C3orf18: variants seen among roughly 807,000 people sequenced by gnomAD.
C3orf18 encodes uncharacterized protein C3orf18.
Under a neutral mutation model 14.1 loss-of-function variants are expected in C3orf18, and 12 were observed. That is an observed-to-expected ratio of 0.85 (90% CI 0.55 to 1.38). The LOEUF (loss-of-function observed/expected upper bound fraction) is 1.38, where lower values mean the gene tolerates loss of function less well. Ranked by LOEUF, C3orf18 falls within the 40% of genes most tolerant of loss-of-function variation. The probability of loss-of-function intolerance (pLI) is 0.00; values close to 1 mark genes in which losing one functional copy is unlikely to be tolerated. For missense variants in C3orf18, 196 were observed against 213.9 expected (o/e 0.92, Z 0.52); for synonymous variants, 82 against 87.9 (o/e 0.93, Z 0.38).
chr3:50,573,419 T>C (rs1701239552), upstream of C3orf18, among the ~76,000 whole-genome samples: 1 of 152,230 alleles, frequency 6.6e-6, no homozygotes, highest in Non-Finnish European at 1.5e-5. Context: ...TCATTTGCTG[T>C]CTCCGGCTTC....
chr3:50,563,312 C>T lies in C3orf18; in HGVS notation c.235-1565G>A, dbSNP rs565845605. On this transcript the variant is annotated intron_variant, in intron 3 of 5. Transcript: ENST00000357203. ...CCCTGCCACCCTGAGCAAGTGGATC[C>T]AGCCCCAGCCCCAGCCCCTGTGGTC... Among the ~76,000 whole-genome samples, 7 of 152,220 alleles carry T rather than the reference C, an allele frequency of 4.6e-5. No individual in the cohort carries two copies. The East Asian group carries it at 1.4e-3, about 29-fold the overall frequency.
At chr3:50,570,573 G>A (rs1208259195), upstream of C3orf18, 1 of 152,354 alleles carries the variant, frequency 6.6e-6, no homozygotes, top group Non-Finnish European at 1.5e-5. Context: ...CTTGCCATGG[G>A]TTTGGTGTGA....
chr3:50,558,650 A>G lies in C3orf18; in HGVS notation c.*1007T>C, dbSNP rs1699789843. ...GCCCTCAGACCAACAGCCTCTCCCA[A>G]CCCCAGATCCTCATTAGAGCCCAAG... On this transcript the variant is annotated 3_prime_UTR_variant, in exon 6 of 6. Coordinates refer to ENST00000357203, the MANE Select transcript of C3orf18 (RefSeq NM_016210.5). The G allele has an allele frequency of 5.6e-6, 7 of 1,258,392 alleles. No individual in the cohort carries two copies. Among genetic ancestry groups the G allele is most frequent in the Non-Finnish European group, 7.2e-6 (7 of 970,664 alleles). 78.0% of individuals were successfully genotyped at this position (1,258,392 alleles called of 1,614,324 possible).
chr3:50,571,360 G>A, upstream of C3orf18: 2 of 1,497,172 alleles, frequency 1.3e-6, no homozygotes, highest in Non-Finnish European at 1.8e-6. Flanking sequence ...CAAGAGGACA[G>A]GAAGAGGGAG....
Position 50,560,914 on chromosome 3 carries a change from C to T in C3orf18, c.408+3G>A. 2 of 1,605,936 alleles carry T rather than the reference C, an allele frequency of 1.2e-6. No individual in the cohort carries two copies. Among genetic ancestry groups the T allele is most frequent in the Non-Finnish European group, 1.7e-6 (2 of 1,175,252 alleles). On this transcript the variant is annotated splice_donor_region_variant and intron_variant, in intron 5 of 5. Coordinates refer to ENST00000357203, the MANE Select transcript of C3orf18 (RefSeq NM_016210.5). ...CGGGGTGGGGAGCCTGGTCAGTGCC[C>T]ACCTTGCCCTGCATGGCCTGCACAG...
At chr3:50,563,176 C>T (rs1252318899) in intron 3 of C3orf18, among the ~76,000 whole-genome samples, 1 of 152,106 alleles carries the variant, frequency 6.6e-6, no homozygotes, top group South Asian at 2.1e-4. Flanking sequence ...TGAAAAGAAA[C>T]TAGGGTATCA....
At chr3:50,573,222 T>TG (rs1559455353), upstream of C3orf18, among the ~76,000 whole-genome samples, 1 of 152,064 alleles carries the variant, frequency 6.6e-6, no homozygotes, top group Non-Finnish European at 1.5e-5. Context: ...GAAGGGAGCA[T>TG]GGGGGCAGCA....
In C3orf18 at chr3:50,565,156, CAGG is replaced by C. The variant is rs1396950226; in HGVS notation, c.234+307_234+309del. Among the ~76,000 whole-genome samples the C allele has an allele frequency of 6.6e-6, 1 of 152,148 alleles. No individual in the cohort carries two copies. The highest frequency in any genetic ancestry group is 1.5e-5 in the Non-Finnish European group (1 of 68,036). On this transcript the variant is annotated intron_variant, in intron 3 of 5. Transcript: ENST00000357203. This position sits in a 1 kb window ranked among gnomAD's most constrained non-coding sequence, Gnocchi z 4.4. ...CCAACGGGGGCAGATCACTTGAGGC[CAGG>C]AGTTCAAGACCAGCCTGGCTAACAT...
intron 1 of C3orf18, among the ~76,000 whole-genome samples, chr3:50,567,148 G>A (rs1054127217): frequency 2.6e-5 from 4 of 152,142 alleles, no homozygotes; most frequent in African/African-American, 7.2e-5. Flanking sequence ...AGGAAGTCCC[G>A]GGTTCTTTTC....
Position 50,565,295 on chromosome 3 carries a change from A to G in C3orf18, c.234+171T>C. 1.7e-6 allele frequency: 1 copy of G among 605,322 alleles called. No individual in the cohort carries two copies. The highest frequency in any genetic ancestry group is 2.0e-5 in the South Asian group (1 of 51,132). 37.5% of individuals were successfully genotyped at this position (605,322 alleles called of 1,614,324 possible). On this transcript the variant is annotated intron_variant, in intron 3 of 5. Coordinates refer to ENST00000357203, the MANE Select transcript of C3orf18 (RefSeq NM_016210.5). The surrounding 1 kb of genome is among the most constrained non-coding windows in gnomAD (Gnocchi z 4.4). ...GGCAGGAGACTCGATTAAGCCCCAG[A>G]GGTGGAGGTTGCAGTGAGCTGAGAT... is the stretch of plus-strand genomic sequence containing the variant.
chr3:50,561,412 G>A (rs1699960344), intron 4 of C3orf18, among the ~76,000 whole-genome samples: 1 of 152,212 alleles, frequency 6.6e-6, no homozygotes, highest in South Asian at 2.1e-4. Flanking sequence ...AGTCAGCTCA[G>A]AGCAGCAGGG....
upstream of C3orf18, chr3:50,571,361 G>A: frequency 6.7e-7 from 1 of 1,500,092 alleles, no homozygotes; most frequent in Non-Finnish European, 9.1e-7. Context: ...AAGAGGACAG[G>A]AAGAGGGAGG....
At chr3:50,561,592 C>T (rs1032509913) in intron 4 of C3orf18, 130 bp downstream of exon 4, 4 of 887,830 alleles carry the variant, frequency 4.5e-6, no homozygotes, top group Admixed American at 2.1e-5. Flanking sequence ...AGTGGTCACC[C>T]CCAACCATGA....
In C3orf18 at chr3:50,559,385, A is replaced by C. The variant is rs562478792; in HGVS notation, c.*272T>G. On this transcript the variant is annotated 3_prime_UTR_variant, in exon 6 of 6. Transcript: ENST00000357203. The stretch of plus-strand genomic sequence containing the variant: ...CTGGACAGGGGATGAGGAAGCCAGC[A>C]GAGGCTCTTGACCTTCTCAGCATGA... 5 of 1,349,778 alleles carry C rather than the reference A, an allele frequency of 3.7e-6. No homozygotes were observed. The East Asian group carries it at 1.6e-4, about 42-fold the overall frequency. 83.6% of individuals were successfully genotyped at this position (1,349,778 alleles called of 1,614,324 possible). A position where few individuals can be genotyped will look rare whatever the true frequency, so the allele number is the denominator to read the frequency against.
At chr3:50,572,083 C>T (rs763389628), upstream of C3orf18, 11 of 1,612,328 alleles carry the variant, frequency 6.8e-6, no homozygotes, top group Middle Eastern at 3.3e-4. Flanking sequence ...CTAGCTCTGT[C>T]CCTGATGACC....
At chr3:50,562,453 C>A in intron 3 of C3orf18, 1 of 454,466 alleles carries the variant, frequency 2.2e-6, no homozygotes, top group Non-Finnish European at 4.4e-6. Flanking sequence ...CTCAAAGCCA[C>A]ATGCAGGCAA....
chr3:50,559,773 G>A, intron 5 of C3orf18, 36 bp from the exon 6 acceptor site: 2 of 1,454,822 alleles, frequency 1.4e-6, no homozygotes, highest in Non-Finnish European at 1.9e-6. Context: ...AGAGACCATG[G>A]GCAAGGCCAT....
upstream of C3orf18, chr3:50,571,564 T>G: frequency 1.2e-6 from 1 of 806,930 alleles, no homozygotes; most frequent in Non-Finnish European, 2.1e-6. Context: ...TGTGTAACCT[T>G]AGGCAGGATG....
upstream of C3orf18, among the ~76,000 whole-genome samples, chr3:50,572,365 C>G (rs949863899): frequency 6.6e-6 from 1 of 152,138 alleles, no homozygotes. Flanking sequence ...GTTGGCAGAG[C>G]CCAGAGGACA....
Sources: gnomAD v4.1 joint callset for allele counts (sites outside exome capture counted in the v4.1 genomes callset) on GRCh38, gnomAD v4.1.1 for gene constraint, Gnocchi (gnomAD v3.1) non-coding constraint, MANE v1.5 for transcripts, NCBI Gene and HGNC (gene_info 2026-07-23, HGNC 2026-07-21) for gene names.